Variants in NEUROD6 observed in about 807,000 individuals in gnomAD.
The protein encoded by NEUROD6 is neurogenic differentiation factor 6.
Under a neutral mutation model 24.1 loss-of-function variants are expected in NEUROD6, and 5 were observed. That is an observed-to-expected ratio of 0.21 (90% CI 0.11 to 0.44). NEUROD6 has a LOEUF of 0.44. NEUROD6 is among the 20% of genes least tolerant of loss of function. The pLI, the probability that NEUROD6 is intolerant of heterozygous loss-of-function variation, is 0.99. For missense variants in NEUROD6, 325 were observed against 409.5 expected, an observed-to-expected ratio of 0.79 and a Z score of 1.78; for synonymous variants, 182 against 154.1, an observed-to-expected ratio of 1.18 and a Z score of -1.34.
chr7:31,339,508 CAAA>C (rs1286854395), intron 1 of NEUROD6, among the ~76,000 whole-genome samples: 1 of 151,936 alleles, frequency 6.6e-6, no homozygotes. Context: ...AGCAAATTAT[CAAA>C]AGAAAATAAA....
Position 31,338,628 on chromosome 7 carries a change from G to A in NEUROD6, c.641C>T (p.Pro214Leu). 6.2e-7 allele frequency: 1 copy of A among 1,614,126 alleles called. No homozygotes were observed. Among genetic ancestry groups the A allele is most frequent in the Non-Finnish European group, 8.5e-7 (1 of 1,180,032 alleles). Residue 214 changes from proline (P) to leucine (L), a missense_variant, in exon 2 of 2, where the codon CCT (proline) becomes CTT (leucine). This residue lies in a region of NEUROD6 where 175 missense variants were observed against 201.3 expected (regional missense o/e 0.87). Coordinates refer to ENST00000297142, the MANE Select transcript of NEUROD6 (RefSeq NM_022728.4). The surrounding 1 kb of genome is among the most constrained non-coding windows in gnomAD (Gnocchi z 5.1). ...YSTFYPPYHS[P>L]ELTTPPGHGT... ...ATGCCCTGGGGGAGTGGTGAGCTCA[G>A]GGCTGTGGTAGGGTGGGTAGAAGGT... is the stretch of plus-strand genomic sequence containing the variant.
Position 31,338,538 on chromosome 7 carries a change from T to C in NEUROD6, c.731A>G (p.Tyr244Cys). 5 of 1,614,204 alleles carry C rather than the reference T, an allele frequency of 3.1e-6. No individual in the cohort carries two copies. Among genetic ancestry groups the C allele is most frequent in the Non-Finnish European group, 4.2e-6 (5 of 1,180,032 alleles). The change falls in exon 2 of 2, where the codon TAT becomes TGT. Residue 244 changes from tyrosine to cysteine, a missense_variant. Tyr to Cys is a radical substitution (Grantham distance 194). This residue lies in a region of NEUROD6 where 175 missense variants were observed against 201.3 expected (regional missense o/e 0.87). Transcript: ENST00000297142. This position sits in a 1 kb window ranked among gnomAD's most constrained non-coding sequence, Gnocchi z 5.1. The part of the protein sequence containing the change: ...YNYCSAYESF[Y>C]ESTSPECASP... ...GGCACACTCAGGGGAAGTACTTTCA[T>C]AGAAGGATTCATACGCACTGCAATA...
intron 1 of NEUROD6, 27 bp from the exon 2 acceptor site, chr7:31,339,316 A>G: frequency 6.6e-7 from 1 of 1,521,136 alleles, no homozygotes; most frequent in South Asian, 1.3e-5. Context: ...ACAATATTTA[A>G]AGAGTTTTCA....
rs1562725269 is a variant in NEUROD6 at position 31,339,037 on chromosome 7, CCCT to C, written c.229_231del (p.Arg77del). 5 of 1,613,848 alleles carry C rather than the reference CCCT, an allele frequency of 3.1e-6. No individual in the cohort carries two copies. In the East Asian group the frequency reaches 1.1e-4, roughly 36 times the overall value. On this transcript the variant is annotated inframe_deletion, in exon 2 of 2. Transcript: ENST00000297142. ...TTTGTTGTCTTTTTTTTCCTAAGAC[CCCT>C]CCTTCTAGGCAACCCATTTTCATCT...
At chr7:31,340,383 C>G (rs959320154) in intron 1 of NEUROD6, among the ~76,000 whole-genome samples, 2 of 152,258 alleles carry the variant, frequency 1.3e-5, no homozygotes, top group Non-Finnish European at 2.9e-5. Context: ...CATATACACA[C>G]GAACACATAC....
In NEUROD6 at chr7:31,338,793, A is replaced by G; in HGVS notation, c.476T>C (p.Leu159Pro). 6.2e-7 allele frequency: 1 copy of G among 1,614,120 alleles called. No individual in the cohort carries two copies. Among genetic ancestry groups the G allele is most frequent in the Non-Finnish European group, 8.5e-7 (1 of 1,180,028 alleles). ...TTTGCATAAGTTTTGGACGAATGTG[A>G]GCAGATCTGGTCTCTTGCCGATTCT... Reference protein sequence around the residue: ...ILRIGKRPDLLTFVQNLCKGL... With the variant: ...ILRIGKRPDLPTFVQNLCKGL... Residue 159 changes from leucine (L) to proline (P), a missense_variant, in exon 2 of 2, where the codon CTC becomes CCC. This residue lies in a region of NEUROD6 where 41 missense variants were observed against 100.9 expected (regional missense o/e 0.41). Coordinates refer to ENST00000297142, the MANE Select transcript of NEUROD6 (RefSeq NM_022728.4). The surrounding 1 kb of genome is among the most constrained non-coding windows in gnomAD (Gnocchi z 5.1).
chr7:31,337,834 A>T lies in NEUROD6; in HGVS notation c.*421T>A, dbSNP rs1783083353. ...AATTTTTAAAAGATACATAATATAT[A>T]ATTCCTAATAATTATAAACACATCA... is the stretch of plus-strand genomic sequence containing the variant. On this transcript the variant is annotated 3_prime_UTR_variant, in exon 2 of 2. Transcript: ENST00000297142. The T allele has an allele frequency of 6.4e-6, 1 of 156,352 alleles. No individual in the cohort carries two copies. Among genetic ancestry groups the T allele is most frequent in the Non-Finnish European group, 1.4e-5 (1 of 70,304 alleles). The allele number at this position is 156,352 out of a possible 1,614,324, so 9.7% of individuals were successfully genotyped here.
rs34721175 is a variant in NEUROD6, at chr7:31,340,019, TA to T, written c.-22+573del. 2.9e-3 allele frequency among the ~76,000 whole-genome samples: 446 copies of T among 152,026 alleles called. 1 individual carries two copies. The highest frequency in any genetic ancestry group is 0.01 in the African/African-American group (426 of 41,484). On this transcript the variant is annotated intron_variant, in intron 1 of 1. Coordinates refer to ENST00000297142, the MANE Select transcript of NEUROD6 (RefSeq NM_022728.4). ...AAAATCACTAGCAATTTCTTTTAAT[TA>T]AAAAAAATAGAGACTGATTTTATTT...
chr7:31,339,353 T>A, intron 1 of NEUROD6, 64 bp from the exon 2 acceptor site: 4 of 1,198,500 alleles, frequency 3.3e-6, no homozygotes, highest in Non-Finnish European at 4.5e-6. Context: ...ACTTAAAACA[T>A]ATTTAATTAT....
Position 31,339,222 on chromosome 7 carries a change from T to A in NEUROD6, c.47A>T (p.Gln16Leu). The A allele has an allele frequency of 6.2e-7, 1 of 1,613,826 alleles. No individual in the cohort carries two copies. The change falls in exon 2 of 2, where the codon CAG (glutamine) becomes CTG (leucine). Residue 16 changes from glutamine (Q) to leucine (L), a missense_variant. Around this residue, in one of 3 missense-constraint regions of NEUROD6, gnomAD observed 109 missense variants for 107.3 expected, o/e 1.02. Transcript: ENST00000297142. ...TTCTCTAGAAAACTTTCTGCACATC[T>A]GGGATTCTGGCATTACAACAGACTC... ...FDESVVMPES[Q>L]MCRKFSRECE... is the part of the protein sequence containing the mutation.
rs1485598190 is a variant in NEUROD6, at chr7:31,338,175, A to G, written c.*80T>C. 8.4e-7 allele frequency: 1 copy of G among 1,183,464 alleles called. No individual in the cohort carries two copies. The highest frequency in any genetic ancestry group is 2.1e-5 in the Admixed American group (1 of 46,980). 73.3% of individuals were successfully genotyped at this position (1,183,464 alleles called of 1,614,324 possible). A position where few individuals can be genotyped will look rare whatever the true frequency, so the allele number is the denominator to read the frequency against. On this transcript the variant is annotated 3_prime_UTR_variant, in exon 2 of 2. Transcript: ENST00000297142. The surrounding 1 kb of genome is among the most constrained non-coding windows in gnomAD (Gnocchi z 5.1). ...AAACACCTTAGATAGAGTTGTGCCA[A>G]TTACTCAGCCCACAAGCATCTGCTT...
rs372975388 is a variant in NEUROD6 at position 31,339,820 on chromosome 7, G to A, written c.-21-531C>T. ...ATCACACAACTGTGAATTTAGATAA[G>A]TGGGTGTGGGAATATACAAATTTAA... On this transcript the variant is annotated intron_variant, in intron 1 of 1. Coordinates refer to ENST00000297142, the MANE Select transcript of NEUROD6 (RefSeq NM_022728.4). 4.6e-5 allele frequency among the ~76,000 whole-genome samples: 7 copies of A among 152,258 alleles called. No homozygotes were observed. In the East Asian group the frequency reaches 7.7e-4, roughly 17 times the overall value.
rs772271810 is a variant in NEUROD6 at position 31,339,301 on chromosome 7, C to T, written c.-21-12G>A. Reference sequence around the variant, plus strand: ...TAATCTTAAATTACCTGAAAAAATGCCAGCACAATATTTAAAGAGTTTTCA... The same window carrying T: ...TAATCTTAAATTACCTGAAAAAATGTCAGCACAATATTTAAAGAGTTTTCA... On this transcript the variant is annotated splice_polypyrimidine_tract_variant and intron_variant, in intron 1 of 1. Transcript: ENST00000297142. 1.9e-6 allele frequency: 3 copies of T among 1,551,410 alleles called. No homozygotes were observed. Among genetic ancestry groups the T allele is most frequent in the Non-Finnish European group, 2.6e-6 (3 of 1,154,154 alleles).
rs781421056 is a variant in NEUROD6, at chr7:31,339,237, A to G, written c.32T>C (p.Val11Ala). 1 of 1,612,770 alleles carries G rather than the reference A, an allele frequency of 6.2e-7. No individual in the cohort carries two copies. The highest frequency in any genetic ancestry group is 8.5e-7 in the Non-Finnish European group (1 of 1,179,600). Residue 11 changes from valine (V) to alanine (A), a missense_variant, in exon 2 of 2, where the codon GTA becomes GCA. By Grantham distance (64) the Val-to-Ala change is moderately conservative. Coordinates refer to ENST00000297142, the MANE Select transcript of NEUROD6 (RefSeq NM_022728.4). Reference sequence around the variant, plus strand: ...TCTGCACATCTGGGATTCTGGCATTACAACAGACTCATCAAACGGTAGTGT... The same window carrying G: ...TCTGCACATCTGGGATTCTGGCATTGCAACAGACTCATCAAACGGTAGTGT... MLTLPFDESV[V>A]MPESQMCRKF...
chr7:31,338,576 C>T lies in NEUROD6; in HGVS notation c.693G>A (p.Met231Ile), dbSNP rs1333723322. ...GHGTLDNSKSMKPYNYCSAYE... is the reference protein window; with the variant it reads ...GHGTLDNSKSIKPYNYCSAYE... ...ACGCACTGCAATAATTGTAGGGTTT[C>T]ATGGACTTGGAATTATCAAGAGTCC... Residue 231 changes from methionine to isoleucine, a missense_variant, in exon 2 of 2, where the codon ATG becomes ATA. Around this residue, in one of 3 missense-constraint regions of NEUROD6, gnomAD observed 175 missense variants for 201.3 expected, o/e 0.87. Transcript: ENST00000297142. This position sits in a 1 kb window ranked among gnomAD's most constrained non-coding sequence, Gnocchi z 5.1. 6.2e-7 allele frequency: 1 copy of T among 1,613,982 alleles called. No homozygotes were observed. Among genetic ancestry groups the T allele is most frequent in the African/African-American group, 1.3e-5 (1 of 74,894 alleles).
At chr7:31,339,326 A>T (rs1013273812) in intron 1 of NEUROD6, 37 bp from the exon 2 acceptor site, 28 of 1,478,850 alleles carry the variant, frequency 1.9e-5, no homozygotes, top group Non-Finnish European at 2.4e-5. Context: ...AAGAGTTTTC[A>T]TTTTTAAAGT....
Position 31,338,677 on chromosome 7 carries a change from G to A in NEUROD6, c.592C>T (p.His198Tyr), listed in dbSNP as rs140721811. The A allele has an allele frequency of 2.5e-6, 4 of 1,614,120 alleles. No individual in the cohort carries two copies. Among genetic ancestry groups the A allele is most frequent in the Non-Finnish European group, 3.4e-6 (4 of 1,180,022 alleles). The change falls in exon 2 of 2, where the codon CAC (histidine) becomes TAC (tyrosine). Residue 198 changes from histidine to tyrosine, a missense_variant. His to Tyr is a moderately conservative substitution (Grantham distance 83). Transcript: ENST00000297142. The surrounding 1 kb of genome is among the most constrained non-coding windows in gnomAD (Gnocchi z 5.1). ...FLMGQGGEAA[H>Y]HTRSPYSTFY... is the part of the protein sequence containing the mutation. ...GTAGAGTAGGGTGACCTTGTGTGGT[G>A]TGCAGCCTCCCCACCCTGACCCATC...
rs1260931132 is a variant in NEUROD6, at chr7:31,337,677, G to C, written c.*578C>G. 1.3e-5 allele frequency: 2 copies of C among 152,558 alleles called. No homozygotes were observed. Among genetic ancestry groups the C allele is most frequent in the Non-Finnish European group, 2.9e-5 (2 of 68,052 alleles). 9.5% of individuals were successfully genotyped at this position (152,558 alleles called of 1,614,324 possible). On this transcript the variant is annotated 3_prime_UTR_variant, in exon 2 of 2. Coordinates refer to ENST00000297142, the MANE Select transcript of NEUROD6 (RefSeq NM_022728.4). Reference sequence around the variant, plus strand: ...GCCCCATCTGCAAATACTTGAAGAGGAATAGTTACCAATTGAATGCATTTA... The same window carrying C: ...GCCCCATCTGCAAATACTTGAAGAGCAATAGTTACCAATTGAATGCATTTA...
At position 31,338,002 on chromosome 7, in the gene NEUROD6, A is replaced by C; in HGVS notation, c.*253T>G. Reference sequence around the variant, plus strand: ...AAACAAATTAAATAAGTTTAAAAGAAAATTAAAAAGAAAAAAATCTTTCCA... The same window carrying C: ...AAACAAATTAAATAAGTTTAAAAGACAATTAAAAAGAAAAAAATCTTTCCA... On this transcript the variant is annotated 3_prime_UTR_variant, in exon 2 of 2. Coordinates refer to ENST00000297142, the MANE Select transcript of NEUROD6 (RefSeq NM_022728.4). The surrounding 1 kb of genome is among the most constrained non-coding windows in gnomAD (Gnocchi z 5.1). 1 of 445,188 alleles carries C rather than the reference A, an allele frequency of 2.2e-6. No individual in the cohort carries two copies. The highest frequency in any genetic ancestry group is 4.0e-6 in the Non-Finnish European group (1 of 252,738). The allele number at this position is 445,188 out of a possible 1,614,324, so 27.6% of individuals were successfully genotyped here.
Sources: allele counts gnomAD v4.1 joint callset (sites outside exome capture counted in the v4.1 genomes callset), GRCh38; gene constraint gnomAD v4.1.1; regional missense constraint gnomAD v4.1.1; non-coding constraint Gnocchi (gnomAD v3.1); transcripts MANE v1.5; gene names NCBI Gene and HGNC (gene_info 2026-07-23, HGNC 2026-07-21).